NSF: variants seen among roughly 807,000 people sequenced by gnomAD.
The protein encoded by NSF is vesicle-fusing ATPase.
NSF carries 14 observed loss-of-function variants against 50.3 expected under a neutral mutation model. The observed-to-expected ratio is 0.28, with a 90% CI of 0.18 to 0.44. NSF has a LOEUF of 0.44. NSF is among the 20% of genes least tolerant of loss of function. The pLI is 1.00. For synonymous variants in NSF, 109 were observed against 175.7 expected, an observed-to-expected ratio of 0.62 and a Z score of 3.00; for missense variants, 218 against 504.3, an observed-to-expected ratio of 0.43 and a Z score of 5.44.
chr17:46,739,191 G>A (rs906650853), intron 17 of NSF, among the ~76,000 whole-genome samples: 2 of 151,928 alleles, frequency 1.3e-5, no homozygotes, highest in East Asian at 3.9e-4. Context: ...CCAGTATGGT[G>A]AAACCCCCGC....
At chr17:46,734,549 G>A (rs1487212428) in intron 17 of NSF, among the ~76,000 whole-genome samples, 2 of 152,004 alleles carry the variant, frequency 1.3e-5, no homozygotes, top group African/African-American at 2.4e-5. Flanking sequence ...ATGTGTGTGT[G>A]TATATATACA....
chr17:46,610,003 T>C (rs866984158), intron 1 of NSF, among the ~76,000 whole-genome samples: 1 of 114,356 alleles, frequency 8.7e-6, no homozygotes, highest in Non-Finnish European at 1.9e-5. Context: ...TTTTCTTTCT[T>C]TCTCTCTTTC....
chr17:46,710,220 T>G (rs2058705475), intron 13 of NSF, among the ~76,000 whole-genome samples: 1 of 152,208 alleles, frequency 6.6e-6, no homozygotes, highest in Non-Finnish European at 1.5e-5. Flanking sequence ...TCTGTTAACC[T>G]CATGAAAATC....
intron 13 of NSF, among the ~76,000 whole-genome samples, chr17:46,708,956 C>CT (rs550039038): frequency 1.4e-3 from 219 of 151,318 alleles, no homozygotes; most frequent in African/African-American, 5.0e-3. Flanking sequence ...TCCTGAGTAG[C>CT]TAGGACTGCA....
rs1555672588 is a variant in NSF, at chr17:46,690,624, A to ATATAT, written c.946-2279_946-2278insTATAT. Among the ~76,000 whole-genome samples the ATATAT allele has an allele frequency of 5.0e-4, 56 of 110,954 alleles. 1 individual carries two copies. The highest frequency in any genetic ancestry group is 1.3e-3 in the African/African-American group (38 of 29,258). 72.8% of individuals were successfully genotyped at this position (110,954 alleles called of 152,430 possible). A position where few individuals can be genotyped will look rare whatever the true frequency, so the allele number is the denominator to read the frequency against. On this transcript the variant is annotated intron_variant, in intron 9 of 20. Transcript: ENST00000398238. ...GAGACTCCGTCTCAAAAAAAAAAAA[A>ATATAT]ATATATATATATATATATTGTATAG...
chr17:46,697,249 C>T (rs1245246082), intron 12 of NSF, among the ~76,000 whole-genome samples: 9 of 120,698 alleles, frequency 7.5e-5, no homozygotes, highest in African/African-American at 1.4e-4. Context: ...CTTACTCTGT[C>T]GCCCAGGCTG....
At chr17:46,717,527 A>C (rs1445069874) in intron 15 of NSF, among the ~76,000 whole-genome samples, 1 of 152,152 alleles carries the variant, frequency 6.6e-6, no homozygotes, top group Non-Finnish European at 1.5e-5. Context: ...CCTGACTAAC[A>C]TGGTGAAACC....
intron 15 of NSF, among the ~76,000 whole-genome samples, chr17:46,725,912 C>G (rs1019325307): frequency 6.6e-6 from 1 of 152,214 alleles, no homozygotes; most frequent in Non-Finnish European, 1.5e-5. Context: ...GCTAATTCTT[C>G]TATCTGATTT....
chr17:46,728,954 A>G lies in NSF; in HGVS notation c.1908+20A>G. On this transcript the variant is annotated intron_variant, in intron 17 of 20. Coordinates refer to ENST00000398238, the MANE Select transcript of NSF (RefSeq NM_006178.4). Reference sequence around the variant, plus strand: ...CCTCAGGTAAAATAATACTACTAATAAGGAATATTTTAACAAAGAGTTTTT... The same window carrying G: ...CCTCAGGTAAAATAATACTACTAATGAGGAATATTTTAACAAAGAGTTTTT... 3 of 1,408,834 alleles carry G rather than the reference A, an allele frequency of 2.1e-6. No homozygotes were observed. The highest frequency in any genetic ancestry group is 3.0e-6 in the Non-Finnish European group (3 of 1,007,224). The allele number at this position is 1,408,834 out of a possible 1,614,324, so 87.3% of individuals were successfully genotyped here.
intron 18 of NSF, 76 bp from the exon 19 acceptor site, chr17:46,751,427 T>G (rs2059180827): frequency 9.7e-7 from 1 of 1,030,950 alleles, no homozygotes; most frequent in Non-Finnish European, 1.5e-6. Context: ...ACTCTTCTTT[T>G]AAAGGTAAAT....
In NSF at chr17:46,719,980, C is replaced by G. The variant is rs981581454; in HGVS notation, c.1761+5994C>G. Reference sequence around the variant, plus strand: ...AATTTTCCTTTCCACTAGCTTTGCACGAAAGAAATAATCTTCTTTGAATAT... The same window carrying G: ...AATTTTCCTTTCCACTAGCTTTGCAGGAAAGAAATAATCTTCTTTGAATAT... On this transcript the variant is annotated intron_variant, in intron 15 of 20. Transcript: ENST00000398238. This position sits in a 1 kb window ranked among gnomAD's most constrained non-coding sequence, Gnocchi z 4.3. Among the ~76,000 whole-genome samples, 1 of 152,138 alleles carries G rather than the reference C, an allele frequency of 6.6e-6. No homozygotes were observed. The highest frequency in any genetic ancestry group is 1.5e-5 in the Non-Finnish European group (1 of 68,016).
At chr17:46,697,185 C>G (rs1272024972) in intron 12 of NSF, among the ~76,000 whole-genome samples, 1 of 145,890 alleles carries the variant, frequency 6.9e-6, no homozygotes, top group African/African-American at 2.6e-5. Context: ...AAATAATGAG[C>G]ACATGGTAGG....
chr17:46,747,558 G>A (rs1014617935), intron 17 of NSF, among the ~76,000 whole-genome samples: 1 of 152,148 alleles, frequency 6.6e-6, no homozygotes, highest in Non-Finnish European at 1.5e-5. Context: ...GGGATTACAG[G>A]TGTGAGCCAC....
At chr17:46,678,483 GAGTA>G (rs2058423023) in intron 9 of NSF, among the ~76,000 whole-genome samples, 1 of 150,586 alleles carries the variant, frequency 6.6e-6, no homozygotes, top group Admixed American at 6.6e-5. Context: ...AATTAAGAGA[GAGTA>G]AGAGAGAGAG....
intron 16 of NSF, among the ~76,000 whole-genome samples, 198 bp downstream of exon 16, chr17:46,726,813 A>T (rs1046770865): frequency 6.6e-6 from 1 of 152,234 alleles, no homozygotes; most frequent in Admixed American, 6.5e-5. Context: ...CCCTGTGACT[A>T]TAACACCATT....
At chr17:46,631,061 T>TACATACACAC in intron 4 of NSF, among the ~76,000 whole-genome samples, 1 of 122,852 alleles carries the variant, frequency 8.1e-6, no homozygotes, top group Non-Finnish European at 1.6e-5. Flanking sequence ...TCTCTCTCTG[T>TACATACACAC]ACACACACAC....
At chr17:46,657,973 T>TTA (rs1555670153) in intron 8 of NSF, among the ~76,000 whole-genome samples, 1,850 of 46,590 alleles carry the variant, frequency 0.04, 359 homozygotes, top group East Asian at 0.25. Context: ...TTTATTTATT[T>TTA]TTTTTTTTTT....
At chr17:46,692,313 AC>A (rs1348249746) in intron 9 of NSF, among the ~76,000 whole-genome samples, 1 of 108,896 alleles carries the variant, frequency 9.2e-6, no homozygotes, top group Non-Finnish European at 1.8e-5. Context: ...CTTTTTATAA[AC>A]CGTCTCTGTT....
intron 15 of NSF, among the ~76,000 whole-genome samples, chr17:46,715,792 T>C (rs1464097786): frequency 6.6e-6 from 1 of 152,258 alleles, no homozygotes; most frequent in Non-Finnish European, 1.5e-5. Context: ...TTATTTAATC[T>C]TCAAATTGTT....
Sources: gnomAD v4.1 joint callset for allele counts (sites outside exome capture counted in the v4.1 genomes callset) on GRCh38, gnomAD v4.1.1 for gene constraint, Gnocchi (gnomAD v3.1) non-coding constraint, MANE v1.5 for transcripts, NCBI Gene and HGNC (gene_info 2026-07-23, HGNC 2026-07-21) for gene names.